The following PKP4 variants were observed in gnomAD, a reference collection of about 807,000 sequenced individuals.
The protein encoded by PKP4 is plakophilin 4.
In PKP4, 90 loss-of-function variants were observed where a neutral mutation model predicts 145.1. That is an observed-to-expected ratio of 0.62 (90% CI 0.52 to 0.74). The LOEUF is 0.74. Among genes scored for constraint, PKP4 ranks in the 30% least tolerant of loss-of-function variants. The pLI, the probability that PKP4 is intolerant of heterozygous loss-of-function variation, is 0.00. For synonymous variants in PKP4, 563 were observed against 577.2 expected, an observed-to-expected ratio of 0.98 and a Z score of 0.35; for missense variants, 1,340 against 1,482.7, an observed-to-expected ratio of 0.90 and a Z score of 1.58.
chr2:158,592,974 A>G (rs542459475), intron 3 of PKP4, among the ~76,000 whole-genome samples: 1 of 152,298 alleles, frequency 6.6e-6, no homozygotes, highest in East Asian at 1.9e-4. Flanking sequence ...CAAATAGAAA[A>G]ACAGGGCCCT....
chr2:158,621,515 G>A (rs1047969832), intron 6 of PKP4, 94 bp downstream of exon 6: 3 of 1,025,970 alleles, frequency 2.9e-6, no homozygotes, highest in Admixed American at 4.3e-5. Context: ...GGAGGCCGAG[G>A]CGGGTGGATC....
chr2:158,568,349 A>G (rs1559336324), intron 2 of PKP4, among the ~76,000 whole-genome samples: 2 of 152,140 alleles, frequency 1.3e-5, no homozygotes, highest in Non-Finnish European at 2.9e-5. Context: ...CGAAAGAAAG[A>G]AAAACACAGG....
intron 1 of PKP4, among the ~76,000 whole-genome samples, chr2:158,522,253 G>C (rs925214424): frequency 1.3e-5 from 2 of 152,136 alleles, no homozygotes; most frequent in Non-Finnish European, 2.9e-5. Context: ...ATTTAAGACA[G>C]ATGATTTTGT....
intron 1 of PKP4, among the ~76,000 whole-genome samples, chr2:158,530,326 C>T (rs1338712271): frequency 6.6e-6 from 1 of 152,002 alleles, no homozygotes; most frequent in African/African-American, 2.4e-5. Flanking sequence ...TTCCTCCTTC[C>T]AGTTTTCTGG....
chr2:158,552,528 A>T (rs1471870441), intron 2 of PKP4, among the ~76,000 whole-genome samples: 1 of 152,134 alleles, frequency 6.6e-6, no homozygotes, highest in Non-Finnish European at 1.5e-5. Context: ...ATTGCTTTAA[A>T]CAAAACGTTG....
chr2:158,648,959 C>G (rs1232752607), intron 11 of PKP4, among the ~76,000 whole-genome samples: 2 of 152,226 alleles, frequency 1.3e-5, no homozygotes, highest in East Asian at 1.9e-4. Context: ...CATCGCGCCA[C>G]TGCACTCCAG....
At chr2:158,631,290 T>C (rs2053334433) in intron 7 of PKP4, among the ~76,000 whole-genome samples, 1 of 152,046 alleles carries the variant, frequency 6.6e-6, no homozygotes, top group Non-Finnish European at 1.5e-5. Context: ...ACGTGTGGCA[T>C]TTCTCTTTGG....
At chr2:158,550,570 C>T (rs534466256) in intron 2 of PKP4, among the ~76,000 whole-genome samples, 2 of 152,304 alleles carry the variant, frequency 1.3e-5, no homozygotes, top group African/African-American at 4.8e-5. Flanking sequence ...TGCTGTTTGG[C>T]TGCACTCTCA....
intron 3 of PKP4, among the ~76,000 whole-genome samples, chr2:158,593,282 T>C (rs553936810): frequency 2.0e-5 from 3 of 152,120 alleles, no homozygotes; most frequent in Non-Finnish European, 4.4e-5. Context: ...AGTCTGTTGT[T>C]GTGTTTAGCC....
chr2:158,554,233 A>G (rs2045879590), intron 2 of PKP4, among the ~76,000 whole-genome samples: 1 of 151,844 alleles, frequency 6.6e-6, no homozygotes, highest in African/African-American at 2.4e-5. Context: ...GCTCATGGCC[A>G]CCTTCTCCAG....
chr2:158,597,997 A>T (rs79331019), intron 3 of PKP4, among the ~76,000 whole-genome samples: 1 of 138,432 alleles, frequency 7.2e-6, no homozygotes, highest in Admixed American at 7.3e-5. Flanking sequence ...TTTTTTTTTT[A>T]AACTTTTTTG....
intron 2 of PKP4, among the ~76,000 whole-genome samples, chr2:158,553,658 T>C (rs2045825460): frequency 6.6e-6 from 1 of 152,212 alleles, no homozygotes; most frequent in Admixed American, 6.5e-5. Context: ...CTTGTCCCGC[T>C]GGGTTTTGAA....
intron 1 of PKP4, among the ~76,000 whole-genome samples, chr2:158,497,945 A>C (rs1242513615): frequency 1.3e-5 from 2 of 152,206 alleles, no homozygotes; most frequent in East Asian, 3.9e-4. Flanking sequence ...AGGGTGGGAC[A>C]CAGGTGCATC....
chr2:158,576,282 T>G (rs2047841580), intron 2 of PKP4, among the ~76,000 whole-genome samples: 1 of 152,158 alleles, frequency 6.6e-6, no homozygotes, highest in Non-Finnish European at 1.5e-5. Context: ...TATTTTAGGT[T>G]GTTTTATTTC....
intron 1 of PKP4, among the ~76,000 whole-genome samples, chr2:158,526,175 C>T (rs1231382035): frequency 7.6e-6 from 1 of 131,450 alleles, no homozygotes; most frequent in Non-Finnish European, 1.6e-5. Context: ...GGCAGAGACA[C>T]AACCAAAAAA....
At chr2:158,638,935 T>G (rs890767360) in intron 9 of PKP4, among the ~76,000 whole-genome samples, 2 of 152,166 alleles carry the variant, frequency 1.3e-5, no homozygotes, top group African/African-American at 4.8e-5. Flanking sequence ...AGAGTTATCG[T>G]CTGTATAAAT....
At chr2:158,672,353 A>G (rs1341255896) in intron 17 of PKP4, among the ~76,000 whole-genome samples, 1 of 152,234 alleles carries the variant, frequency 6.6e-6, no homozygotes, top group Non-Finnish European at 1.5e-5. Context: ...GTTTCTGCTC[A>G]TGGAATTTGT....
rs1216256325 is a variant in PKP4 at position 158,495,369 on chromosome 2, C to G, written c.-5-37811C>G. 2.1e-5 allele frequency among the ~76,000 whole-genome samples: 3 copies of G among 140,678 alleles called. No individual in the cohort carries two copies. The South Asian group carries it at 6.9e-4, about 32-fold the overall frequency. The allele number at this position is 140,678 out of a possible 152,430, so 92.3% of individuals were successfully genotyped here. On this transcript the variant is annotated intron_variant, in intron 1 of 21. Coordinates refer to ENST00000389759, the MANE Select transcript of PKP4 (RefSeq NM_003628.6). ...GAGAGTTAAAAAAAAAAAAAAACAA[C>G]AAAGCCCAGAAAGTTCACTTGGCTC...
chr2:158,625,130 C>G lies in PKP4; in HGVS notation c.856C>G (p.Arg286Gly). 1.2e-6 allele frequency: 2 copies of G among 1,614,190 alleles called. No individual in the cohort carries two copies. The highest frequency in any genetic ancestry group is 1.7e-6 in the Non-Finnish European group (2 of 1,180,042). ...SQRPASPTAI[R>G]RIGSVTSRQT... ...GAGACCCGCCTCCCCAACAGCTATA[C>G]GGCGGATTGGGTCAGTCACCTCCCG... The change falls in exon 7 of 22, where the codon CGG becomes GGG. Residue 286 changes from arginine (R) to glycine (G), a missense_variant. By Grantham distance (125) the Arg-to-Gly change is moderately radical (BLOSUM62 -2). Coordinates refer to ENST00000389759, the MANE Select transcript of PKP4 (RefSeq NM_003628.6).
Sources: gnomAD v4.1 joint callset for allele counts (sites outside exome capture counted in the v4.1 genomes callset) on GRCh38, gnomAD v4.1.1 for gene constraint, MANE v1.5 for transcripts, NCBI Gene and HGNC (gene_info 2026-07-23, HGNC 2026-07-21) for gene names.